The following MYO19 variants were observed in gnomAD, a reference collection of about 807,000 sequenced individuals.
MYO19 encodes the protein unconventional myosin-XIX.
In MYO19, 132 loss-of-function variants were observed where a neutral mutation model predicts 129.2. The ratio of observed to expected loss-of-function variants is 1.02; its 90% CI spans 0.89 to 1.18. MYO19 has a LOEUF of 1.18. Ranked by LOEUF, MYO19 falls within the 50% of genes most tolerant of loss-of-function variation. The pLI, the probability that MYO19 is intolerant of heterozygous loss-of-function variation, is 0.00. For synonymous variants in MYO19, 531 were observed against 477.2 expected (o/e 1.11, Z -1.47); for missense variants, 1,210 against 1,216.7 (o/e 0.99, Z 0.08).
At chr17:36,503,715 A>G (rs2071689266) in intron 20 of MYO19, among the ~76,000 whole-genome samples, 1 of 152,222 alleles carries the variant, frequency 6.6e-6, no homozygotes, top group Non-Finnish European at 1.5e-5. Flanking sequence ...TCTGTCCCCA[A>G]CATTGTACCA....
upstream of MYO19, chr17:36,535,036 C>T (rs2074053289): frequency 1.3e-5 from 2 of 152,334 alleles, no homozygotes; most frequent in South Asian, 2.1e-4. Context: ...CCTGGTCCGG[C>T]TTGCTGGCTT....
chr17:36,506,944 G>C lies in MYO19; in HGVS notation c.1644+19C>G. ...ATCTCGTTTCTCGCAGGCCCCACAG[G>C]GCATGGCCCAGCCCGTACCTTGTTC... On this transcript the variant is annotated intron_variant, in intron 17 of 25. Transcript: ENST00000614623. 6.4e-7 allele frequency: 1 copy of C among 1,566,548 alleles called. No homozygotes were observed. Among genetic ancestry groups the C allele is most frequent in the Non-Finnish European group, 8.7e-7 (1 of 1,150,252 alleles).
At chr17:36,513,571 T>C (rs2072519917) in intron 10 of MYO19, 58 bp downstream of exon 10, 2 of 1,613,564 alleles carry the variant, frequency 1.2e-6, no homozygotes, top group Non-Finnish European at 8.5e-7. Flanking sequence ...GCAGGCTCTG[T>C]ACAGAGTGGG....
intron 15 of MYO19, 114 bp from the exon 16 acceptor site, chr17:36,507,626 C>CA (rs2072008348): frequency 7.4e-7 from 1 of 1,346,138 alleles, no homozygotes; most frequent in South Asian, 1.2e-5. Context: ...ATCAAAGAAA[C>CA]AAAAGTATAT....
In MYO19 at chr17:36,528,055, G is replaced by A. The variant is rs1402912853; in HGVS notation, c.151+9C>T. On this transcript the variant is annotated intron_variant, in intron 4 of 25. Coordinates refer to ENST00000614623, the MANE Select transcript of MYO19 (RefSeq NM_001163735.2). ...GAGATGATACTCCTGAGGAATGGGA[G>A]GCCCATACCTGTCTCTAGTGTCACA... 6.2e-7 allele frequency: 1 copy of A among 1,607,834 alleles called. No individual in the cohort carries two copies.
intron 6 of MYO19, among the ~76,000 whole-genome samples, chr17:36,525,003 C>T (rs1481696036): frequency 6.6e-6 from 1 of 152,178 alleles, no homozygotes; most frequent in East Asian, 1.9e-4. Context: ...TCCTATTTCA[C>T]CCAGGGTGAT....
intron 3 of MYO19, among the ~76,000 whole-genome samples, chr17:36,531,248 A>G (rs1298136274): frequency 6.6e-6 from 1 of 151,874 alleles, no homozygotes; most frequent in Non-Finnish European, 1.5e-5. Context: ...ACAAAAAATT[A>G]GCCAGGCGTG....
intron 11 of MYO19, among the ~76,000 whole-genome samples, chr17:36,512,088 C>A (rs182931999): frequency 6.6e-6 from 1 of 152,086 alleles, no homozygotes; most frequent in Non-Finnish European, 1.5e-5. Flanking sequence ...TGGTGGCACA[C>A]GCTTGTAATT....
In MYO19 at chr17:36,498,082, C is replaced by T. The variant is rs982533007; in HGVS notation, c.2757+184G>A. 5 of 596,748 alleles carry T rather than the reference C, an allele frequency of 8.4e-6. No homozygotes were observed. In the East Asian group the frequency reaches 1.1e-4, roughly 13 times the overall value. The allele number at this position is 596,748 out of a possible 1,614,324, so 37.0% of individuals were successfully genotyped here. On this transcript the variant is annotated intron_variant, in intron 25 of 25. Transcript: ENST00000614623. Reference sequence around the variant, plus strand: ...AAAGATAAAGGGCTCTGGAAGATTCCCAGTTATAACAAAATAAATAATCCA... The same window carrying T: ...AAAGATAAAGGGCTCTGGAAGATTCTCAGTTATAACAAAATAAATAATCCA...
rs1006868975 is a variant in MYO19 at position 36,495,915 on chromosome 17, A to G, written c.*336T>C. The G allele has an allele frequency of 3.4e-6, 4 of 1,168,592 alleles. No individual in the cohort carries two copies. Among genetic ancestry groups the G allele is most frequent in the Non-Finnish European group, 4.3e-6 (4 of 929,054 alleles). 72.4% of individuals were successfully genotyped at this position (1,168,592 alleles called of 1,614,324 possible). On this transcript the variant is annotated 3_prime_UTR_variant, in exon 26 of 26. Transcript: ENST00000614623. ...GGCCAACTTTGGCTGTTTTCTTCCA[A>G]AAGTGCTTATGTGGAATTGGGATCC...
chr17:36,532,458 C>T, intron 3 of MYO19, 69 bp downstream of exon 3: 1 of 1,539,650 alleles, frequency 6.5e-7, no homozygotes, highest in Non-Finnish European at 8.8e-7. Context: ...TCCCTTCCTT[C>T]CAGGTTAGGG....
rs370031730 is a variant in MYO19 at position 36,530,606 on chromosome 17, G to A, written c.12+1921C>T. On this transcript the variant is annotated intron_variant, in intron 3 of 25. Coordinates refer to ENST00000614623, the MANE Select transcript of MYO19 (RefSeq NM_001163735.2). ...TGTGTAGCTGGGACTACAGGCACGCGTAAAAGTGGCTTTTGTATTTTTTTT... is the reference window on the plus strand; with the variant it reads ...TGTGTAGCTGGGACTACAGGCACGCATAAAAGTGGCTTTTGTATTTTTTTT... Among the ~76,000 whole-genome samples, 6 of 148,316 alleles carry A rather than the reference G, an allele frequency of 4.0e-5. No individual in the cohort carries two copies. The South Asian group carries it at 8.5e-4, about 21-fold the overall frequency.
At chr17:36,541,961 G>A (rs1048510833) in intron 2 of MYO19, 4 of 152,114 alleles carry the variant, frequency 2.6e-5, no homozygotes, top group South Asian at 2.1e-4. Flanking sequence ...TTTTCTAAGC[G>A]TTTTCCTTGG....
chr17:36,512,196 AACACACACACAC>A (rs57765074), intron 11 of MYO19, among the ~76,000 whole-genome samples: 9,514 of 138,182 alleles, frequency 0.069, 540 homozygotes, highest in African/African-American at 0.16. Flanking sequence ...ACTAAAAATA[AACACACACACAC>A]ACACACACAC....
chr17:36,507,228 C>T (rs2071972474), intron 16 of MYO19, 89 bp from the exon 17 acceptor site: 7 of 1,529,600 alleles, frequency 4.6e-6, no homozygotes, highest in Non-Finnish European at 6.2e-6. Flanking sequence ...CCCATGACAG[C>T]AGACATCACA....
chr17:36,496,555 C>T (rs2070996025), intron 25 of MYO19, 149 bp from the exon 26 acceptor site: 2 of 721,802 alleles, frequency 2.8e-6, no homozygotes, highest in Admixed American at 5.3e-5. Flanking sequence ...GCATTACATC[C>T]ACTCAGTGTG....
At chr17:36,532,406 A>C in intron 3 of MYO19, 121 bp downstream of exon 3, 4 of 1,196,114 alleles carry the variant, frequency 3.3e-6, no homozygotes, top group Non-Finnish European at 4.8e-6. Context: ...AAGGCACTGG[A>C]GAGACAATTT....
chr17:36,513,899 C>T (rs1038303067), intron 9 of MYO19, among the ~76,000 whole-genome samples, 174 bp from the exon 10 acceptor site: 2 of 152,224 alleles, frequency 1.3e-5, no homozygotes, highest in Non-Finnish European at 1.5e-5. Context: ...TAAACATAGC[C>T]CTGGATGTCT....
chr17:36,506,056 G>A (rs186662826), intron 18 of MYO19, among the ~76,000 whole-genome samples: 4 of 152,318 alleles, frequency 2.6e-5, no homozygotes, highest in Admixed American at 2.6e-4. Flanking sequence ...GGAAGGTGGG[G>A]CGGTACATGC....
Sources: gnomAD v4.1 joint callset for allele counts (sites outside exome capture counted in the v4.1 genomes callset) on GRCh38, gnomAD v4.1.1 for gene constraint, MANE v1.5 for transcripts, NCBI Gene and HGNC (gene_info 2026-07-23, HGNC 2026-07-21) for gene names.